ALPK2: variants seen among roughly 807,000 people sequenced by gnomAD.
The protein encoded by ALPK2 is alpha-protein kinase 2.
A neutral mutation model predicts 163.1 loss-of-function variants in ALPK2; 127 were observed. That is an observed-to-expected ratio of 0.78 (90% CI 0.67 to 0.90). The LOEUF (loss-of-function observed/expected upper bound fraction) is 0.90, where lower values mean the gene tolerates loss of function less well. Among genes scored for constraint, ALPK2 ranks in the 40% least tolerant of loss-of-function variants. The pLI, the probability that ALPK2 is intolerant of heterozygous loss-of-function variation, is 0.00. For missense variants in ALPK2, 2,360 were observed against 2,589.6 expected, an observed-to-expected ratio of 0.91 and a Z score of 1.92; for synonymous variants, 953 against 959.1, an observed-to-expected ratio of 0.99 and a Z score of 0.12.
intron 12 of ALPK2, among the ~76,000 whole-genome samples, chr18:58,484,242 T>C (rs1447584244): frequency 6.6e-6 from 1 of 152,210 alleles, no homozygotes; most frequent in Non-Finnish European, 1.5e-5. Flanking sequence ...TATAGTCACA[T>C]GGGAGGAAGG....
intron 4 of ALPK2, among the ~76,000 whole-genome samples, chr18:58,560,586 A>T (rs1323161001): frequency 6.6e-6 from 1 of 152,176 alleles, no homozygotes; most frequent in African/African-American, 2.4e-5. Context: ...GTCAAAGATA[A>T]TTTCCCCATG....
chr18:58,596,270 C>G (rs938887526), intron 3 of ALPK2, among the ~76,000 whole-genome samples: 6 of 152,208 alleles, frequency 3.9e-5, no homozygotes, highest in Non-Finnish European at 7.3e-5. Flanking sequence ...GTCAGGGCCT[C>G]GGTGCTGGCT....
At chr18:58,602,486 G>A (rs1332890913) in intron 3 of ALPK2, among the ~76,000 whole-genome samples, 1 of 152,084 alleles carries the variant, frequency 6.6e-6, no homozygotes, top group African/African-American at 2.4e-5. Context: ...GCCTTTGGTG[G>A]CTGCTGGCAA....
intron 2 of ALPK2, among the ~76,000 whole-genome samples, chr18:58,607,807 A>G (rs2052106417): frequency 6.6e-6 from 1 of 152,222 alleles, no homozygotes; most frequent in Admixed American, 6.5e-5. Flanking sequence ...TCCAAGCATG[A>G]TCTTGGGTCA....
Position 58,537,563 on chromosome 18 carries a change from G to A in ALPK2, c.2624C>T (p.Thr875Met), listed in dbSNP as rs201127471. ...QTQVSETSVS[T>M]CKSSKDGNSV... ...GTTGCCGTCCTTGCTGCTTTTGCACGTAGACACTGAAGTCTCAGACACTTG... is the reference window on the plus strand; with the variant it reads ...GTTGCCGTCCTTGCTGCTTTTGCACATAGACACTGAAGTCTCAGACACTTG... Residue 875 changes from threonine (T) to methionine (M), a missense_variant, in exon 5 of 13, where the codon ACG becomes ATG. By Grantham distance (81) the Thr-to-Met change is moderately conservative. Transcript: ENST00000361673. 138 of 1,614,006 alleles carry A rather than the reference G, an allele frequency of 8.6e-5. No homozygotes were observed. The Admixed American group carries it at 1.4e-3, about 17-fold the overall frequency.
chr18:58,617,529 T>C (rs1033691403), intron 1 of ALPK2, among the ~76,000 whole-genome samples: 11 of 152,190 alleles, frequency 7.2e-5, no homozygotes, highest in Admixed American at 3.9e-4. Context: ...TTAATTATAC[T>C]GATCCTAAGT....
chr18:58,493,035 C>A (rs1024734429), intron 12 of ALPK2, among the ~76,000 whole-genome samples: 1 of 152,186 alleles, frequency 6.6e-6, no homozygotes, highest in Admixed American at 6.5e-5. Flanking sequence ...AATCAGCCAG[C>A]GGGCCAGCCA....
chr18:58,588,723 A>G (rs2051999595), intron 3 of ALPK2, among the ~76,000 whole-genome samples: 1 of 152,056 alleles, frequency 6.6e-6, no homozygotes, highest in Non-Finnish European at 1.5e-5. Flanking sequence ...GCTGAGGATA[A>G]TGGCTTCCAG....
At chr18:58,559,305 C>G (rs753162976) in intron 4 of ALPK2, among the ~76,000 whole-genome samples, 1 of 152,138 alleles carries the variant, frequency 6.6e-6, no homozygotes, top group Non-Finnish European at 1.5e-5. Context: ...AACCCACAGG[C>G]AGCTGCCCGG....
At chr18:58,505,832 AC>A (rs2144115042) in intron 10 of ALPK2, among the ~76,000 whole-genome samples, 1 of 151,722 alleles carries the variant, frequency 6.6e-6, no homozygotes, top group African/African-American at 2.4e-5. Context: ...CTCGGCCCCC[AC>A]CCCCTTTGCT....
At chr18:58,622,118 A>G (rs1369139040) in intron 1 of ALPK2, among the ~76,000 whole-genome samples, 2 of 152,004 alleles carry the variant, frequency 1.3e-5, no homozygotes, top group African/African-American at 4.8e-5. Flanking sequence ...AGGCCGAGGC[A>G]GGCAGATCAC....
intron 4 of ALPK2, among the ~76,000 whole-genome samples, chr18:58,546,909 T>G (rs1807669126): frequency 6.6e-6 from 1 of 152,206 alleles, no homozygotes; most frequent in Non-Finnish European, 1.5e-5. Flanking sequence ...CATTTCTGAA[T>G]AGTCTCTGGG....
chr18:58,553,293 G>A (rs530460143), intron 4 of ALPK2, among the ~76,000 whole-genome samples: 3 of 152,268 alleles, frequency 2.0e-5, no homozygotes, highest in Admixed American at 2.0e-4. Context: ...ATACAGAGAG[G>A]AAAGTTCCAT....
chr18:58,611,382 T>C (rs988926390), intron 2 of ALPK2, among the ~76,000 whole-genome samples: 3 of 152,050 alleles, frequency 2.0e-5, no homozygotes, highest in Non-Finnish European at 4.4e-5. Flanking sequence ...ATTTAAACTA[T>C]GGTTAAGGAC....
chr18:58,509,087 A>G (rs112589048), intron 10 of ALPK2, among the ~76,000 whole-genome samples: 5,396 of 123,500 alleles, frequency 0.044, 125 homozygotes, highest in Admixed American at 0.062. Context: ...TCCTGTGTCC[A>G]TGTGTTCTCA....
chr18:58,501,624 A>T (rs554040451), intron 11 of ALPK2, among the ~76,000 whole-genome samples: 1 of 152,324 alleles, frequency 6.6e-6, no homozygotes, highest in South Asian at 2.1e-4. Flanking sequence ...TTATTTGTGG[A>T]AAGAACTTGG....
At chr18:58,590,943 C>G (rs2052011925) in intron 3 of ALPK2, among the ~76,000 whole-genome samples, 1 of 152,196 alleles carries the variant, frequency 6.6e-6, no homozygotes, top group East Asian at 1.9e-4. Context: ...ACACCCGGCT[C>G]CCATGACTGC....
intron 4 of ALPK2, among the ~76,000 whole-genome samples, chr18:58,568,853 C>A (rs1385877622): frequency 6.6e-6 from 1 of 152,054 alleles, no homozygotes; most frequent in African/African-American, 2.4e-5. Context: ...CATGAGCATC[C>A]TCAGATTTTG....
intron 12 of ALPK2, among the ~76,000 whole-genome samples, chr18:58,491,280 G>A (rs1459289128): frequency 2.6e-5 from 4 of 152,176 alleles, no homozygotes; most frequent in Admixed American, 6.5e-5. Context: ...AAACAAAGAC[G>A]GTAACAGCCC....
Sources: allele counts gnomAD v4.1 joint callset (sites outside exome capture counted in the v4.1 genomes callset), GRCh38; gene constraint gnomAD v4.1.1; transcripts MANE v1.5; gene names NCBI Gene and HGNC (gene_info 2026-07-23, HGNC 2026-07-21).